CCDC17: variants seen among roughly 807,000 people sequenced by gnomAD.
CCDC17 encodes the protein coiled-coil domain containing 17.
In CCDC17, 79 loss-of-function variants were observed where a neutral mutation model predicts 68.0. The ratio of observed to expected loss-of-function variants is 1.16; its 90% confidence interval spans 0.97 to 1.40. The LOEUF (loss-of-function observed/expected upper bound fraction) is 1.40. Among genes scored for constraint, CCDC17 ranks in the 40% most tolerant of loss-of-function variants. CCDC17 has a pLI of 0.00. For synonymous variants in CCDC17, 376 were observed against 337.5 expected (o/e 1.11, Z -1.25); for missense variants, 846 against 811.5 (o/e 1.04, Z -0.52).
In CCDC17 at chr1:45,620,767, C is replaced by CT; in HGVS notation, c.1665dup (p.Glu556ArgfsTer9). 1 of 1,610,940 alleles carries CT rather than the reference C, an allele frequency of 6.2e-7. No individual in the cohort carries two copies. On this transcript the variant is annotated frameshift_variant, in exon 12 of 13. Transcript: ENST00000528266. LOFTEE classifies it low-confidence loss of function (END_TRUNC). ...TCATGGACACTTGCTGGATTGATCT[C>CT]TGCCAGTGTCTGTACAGCTGCATCT...
Position 45,620,966 on chromosome 1 carries a change from G to C in CCDC17, c.1536C>G (p.Leu512=), listed in dbSNP as rs756540951. The C allele has an allele frequency of 9.3e-6, 15 of 1,613,724 alleles. No homozygotes were observed. The highest frequency in any genetic ancestry group is 1.3e-5 in the Non-Finnish European group (15 of 1,179,842). The change falls in exon 11 of 13, where the codon CTC becomes CTG. Residue 512 remains leucine, a synonymous_variant. Transcript: ENST00000528266. The stretch of plus-strand genomic sequence containing the variant: ...GGTCCAGAGGAAGGGCCCGAAGTGG[G>C]AGGCGCCAGCGGCCACTTAGCACCC... ...DQRVLSGRWR[L]PLRALPLDPS...
Position 45,623,381 on chromosome 1 carries a change from C to A in CCDC17, c.329G>T (p.Arg110Met), listed in dbSNP as rs1348362232. ...EMRPWITEVP[R>M]VFAGPWTRSE... Reference sequence around the variant, plus strand: ...ACGTGTCCAGGGCCCCGCGAACACCCTGGGGACCTCTGTTATCCAGGGCCG... The same window carrying A: ...ACGTGTCCAGGGCCCCGCGAACACCATGGGGACCTCTGTTATCCAGGGCCG... The change falls in exon 3 of 13, where the codon AGG (arginine) becomes ATG (methionine). Residue 110 changes from arginine to methionine, a missense_variant. Physicochemically the swap from Arg to Met is moderately conservative, Grantham distance 91. Transcript: ENST00000528266. 6.4e-7 allele frequency: 1 copy of A among 1,550,726 alleles called. No homozygotes were observed.
At position 45,621,264 on chromosome 1, in the gene CCDC17, G is replaced by C. The variant is rs780284038; in HGVS notation, c.1388+17C>G. ...AACTGTGGCAGAGTACCAGAGTCAT[G>C]ATCCCCACCTACTGACCTGGGCACA... On this transcript the variant is annotated intron_variant, in intron 10 of 12. Transcript: ENST00000528266. The C allele has an allele frequency of 2.1e-5, 32 of 1,560,564 alleles. 1 individual carries two copies. In the South Asian group the frequency reaches 3.3e-4, roughly 16 times the overall value.
chr1:45,620,292 G>C lies in CCDC17; in HGVS notation c.1852C>G (p.Pro618Ala). ...GLGPHHSSDL[P>A]PVSF Reference sequence around the variant, plus strand: ...ACTTGGGTTCAGAAACTCACTGGGGGCAAGTCAGAACTGTGGTGAGGGCCC... The same window carrying C: ...ACTTGGGTTCAGAAACTCACTGGGGCCAAGTCAGAACTGTGGTGAGGGCCC... Residue 618 changes from proline to alanine, a missense_variant, in exon 13 of 13, where the codon CCC becomes GCC. Coordinates refer to ENST00000528266, the MANE Select transcript of CCDC17 (RefSeq NM_001114938.3). 1.2e-6 allele frequency: 2 copies of C among 1,610,146 alleles called. No individual in the cohort carries two copies. Among genetic ancestry groups the C allele is most frequent in the Non-Finnish European group, 1.7e-6 (2 of 1,178,794 alleles).
rs1348451594 is a variant in CCDC17, at chr1:45,621,414, T to A, written c.1255A>T (p.Thr419Ser). Residue 419 changes from threonine to serine, a missense_variant, in exon 10 of 13, where the codon ACT becomes TCT. By Grantham distance (58) the Thr-to-Ser change is moderately conservative (BLOSUM62 1). Transcript: ENST00000528266. ...EASWIWVQLR[T>S]GLARDGRDTG... ...TCCCGTCCATCGCGTGCCAAGCCAGTCCTTAGTTGCACCCAAATCCAGGAA... is the reference window on the plus strand; with the variant it reads ...TCCCGTCCATCGCGTGCCAAGCCAGACCTTAGTTGCACCCAAATCCAGGAA... 1 of 1,597,714 alleles carries A rather than the reference T, an allele frequency of 6.3e-7. No homozygotes were observed. The highest frequency in any genetic ancestry group is 8.5e-7 in the Non-Finnish European group (1 of 1,172,718).
chr1:45,620,171 G>T lies in CCDC17; in HGVS notation c.*104C>A. 2.3e-6 allele frequency: 3 copies of T among 1,314,386 alleles called. No homozygotes were observed. Among genetic ancestry groups the T allele is most frequent in the East Asian group, 2.7e-5 (1 of 36,894 alleles). 81.4% of individuals were successfully genotyped at this position (1,314,386 alleles called of 1,614,324 possible). ...GGTTTTCTGTACTCAACTGCTAGAT[G>T]CTTCTAGACCCAATGTCAGAACATG... is the stretch of plus-strand genomic sequence containing the variant. On this transcript the variant is annotated 3_prime_UTR_variant, in exon 13 of 13. Transcript: ENST00000528266.
chr1:45,620,858 C>T, intron 11 of CCDC17, 25 bp from the exon 12 acceptor site: 2 of 1,610,512 alleles, frequency 1.2e-6, no homozygotes, highest in Non-Finnish European at 8.5e-7. Context: ...AATGGTATTG[C>T]ACTTGTACTT....
At chr1:45,622,689 G>A in intron 5 of CCDC17, 22 bp from the exon 6 acceptor site, 3 of 1,555,434 alleles carry the variant, frequency 1.9e-6, no homozygotes, top group Non-Finnish European at 2.6e-6. Context: ...GGAACAGGAA[G>A]GCCGTCTTTC....
rs1569701220 is a variant in CCDC17 at position 45,623,739 on chromosome 1, G to A, written c.171C>T (p.Ala57=). The change falls in exon 1 of 13, where the codon GCC becomes GCT. Residue 57 remains alanine (A), a synonymous_variant. Coordinates refer to ENST00000528266, the MANE Select transcript of CCDC17 (RefSeq NM_001114938.3). ...CCATGGCCATGGAGGCCCTTACCGC[G>A]GCCCGCTGGGGTTCAGTGGCAACTG... is the stretch of plus-strand genomic sequence containing the variant. ...QASVATEPQR[A]AVVPQEHQGV... 1 of 1,550,872 alleles carries A rather than the reference G, an allele frequency of 6.4e-7. No individual in the cohort carries two copies. The highest frequency in any genetic ancestry group is 1.2e-5 in the South Asian group (1 of 83,984).
Position 45,621,992 on chromosome 1 carries a change from G to A in CCDC17, c.971C>T (p.Pro324Leu), listed in dbSNP as rs1412269231. 6.2e-7 allele frequency: 1 copy of A among 1,603,648 alleles called. No homozygotes were observed. Among genetic ancestry groups the A allele is most frequent in the Non-Finnish European group, 8.5e-7 (1 of 1,175,726 alleles). ...QMQRGRAPLG[P>L]QDLRLLGDAS... is the part of the protein sequence containing the mutation. ...ATCCCCCAGGAGTCGCAGATCCTGG[G>A]GCCCTAGGAGCAGAAGAGTTAGGGT... The change falls in exon 8 of 13, where the codon CCC becomes CTC. Residue 324 changes from proline to leucine, a missense_variant. Transcript: ENST00000528266.
In CCDC17 at chr1:45,621,070, C is replaced by T; in HGVS notation, c.1432G>A (p.Val478Ile). 6.2e-7 allele frequency: 1 copy of T among 1,613,996 alleles called. No homozygotes were observed. Among genetic ancestry groups the T allele is most frequent in the Non-Finnish European group, 8.5e-7 (1 of 1,179,892 alleles). The change falls in exon 11 of 13, where the codon GTC (valine) becomes ATC (isoleucine). Residue 478 changes from valine (V) to isoleucine (I), a missense_variant. By Grantham distance (29) the Val-to-Ile change is conservative. Coordinates refer to ENST00000528266, the MANE Select transcript of CCDC17 (RefSeq NM_001114938.3). The stretch of plus-strand genomic sequence containing the variant: ...CTAGCCCATGCTAGCCCCTGCCAGA[C>T]CTGCAGCTCACAGACCAAAGATACT... ...SSVSLVCELQ[V>I]WQGLAWARAP...
chr1:45,622,437 C>T, intron 6 of CCDC17, 89 bp from the exon 7 acceptor site: 1 of 1,469,020 alleles, frequency 6.8e-7, no homozygotes, highest in Non-Finnish European at 9.2e-7. Flanking sequence ...TAAGGCTCTT[C>T]GGATAAGGCT....
intron 8 of CCDC17, 32 bp from the exon 9 acceptor site, chr1:45,621,767 G>C (rs746343137): frequency 3.7e-6 from 6 of 1,610,740 alleles, no homozygotes; most frequent in Non-Finnish European, 5.1e-6. Flanking sequence ...CCTCCAGAAA[G>C]CCTTGTAGCT....
At position 45,620,463 on chromosome 1, in the gene CCDC17, CA is replaced by C. The variant is rs1219478530; in HGVS notation, c.1711-31del. 3 of 1,517,938 alleles carry C rather than the reference CA, an allele frequency of 2.0e-6. No individual in the cohort carries two copies. In the African/African-American group the frequency reaches 4.2e-5, roughly 21 times the overall value. The allele number at this position is 1,517,938 out of a possible 1,614,324, so 94.0% of individuals were successfully genotyped here. On this transcript the variant is annotated intron_variant, in intron 12 of 12. Coordinates refer to ENST00000528266, the MANE Select transcript of CCDC17 (RefSeq NM_001114938.3). ...GGAACAGGAGAAGGCAGGTTTTGAG[CA>C]AAAATGTAAAGGTTAAGCACACAGG...
At position 45,621,745 on chromosome 1, in the gene CCDC17, A is replaced by G. The variant is rs1351011822; in HGVS notation, c.1087-10T>C. 1 of 1,613,162 alleles carries G rather than the reference A, an allele frequency of 6.2e-7. No individual in the cohort carries two copies. The highest frequency in any genetic ancestry group is 8.5e-7 in the Non-Finnish European group (1 of 1,179,634). ...TTCCAGGAAGCTGTGGCTGTGGGGAAGAGAGCTGACTCCTCCAGAAAGCCT... is the reference window on the plus strand; with the variant it reads ...TTCCAGGAAGCTGTGGCTGTGGGGAGGAGAGCTGACTCCTCCAGAAAGCCT... On this transcript the variant is annotated splice_polypyrimidine_tract_variant and intron_variant, in intron 8 of 12. Coordinates refer to ENST00000528266, the MANE Select transcript of CCDC17 (RefSeq NM_001114938.3).
Position 45,621,290 on chromosome 1 carries a change from G to C in CCDC17, c.1379C>G (p.Pro460Arg). 4 of 1,576,984 alleles carry C rather than the reference G, an allele frequency of 2.5e-6. No homozygotes were observed. Among genetic ancestry groups the C allele is most frequent in the Non-Finnish European group, 3.4e-6 (4 of 1,160,744 alleles). ...GNCAILASRQ[P>R]VPRLPPSSSV... The stretch of plus-strand genomic sequence containing the variant: ...ATCCCCACCTACTGACCTGGGCACA[G>C]GCTGCCTGCTGGCAAGGATGGCACA... Residue 460 changes from proline to arginine, a missense_variant, in exon 10 of 13, where the codon CCT (proline) becomes CGT (arginine). By Grantham distance (103) the Pro-to-Arg change is moderately radical (BLOSUM62 -2). Transcript: ENST00000528266.
intron 9 of CCDC17, 42 bp from the exon 10 acceptor site, chr1:45,621,526 T>C (rs778745558): frequency 6.4e-7 from 1 of 1,571,710 alleles, no homozygotes; most frequent in Middle Eastern, 1.7e-4. Context: ...CCAACTCCTT[T>C]CAACCTCCCT....
rs1387546346 is a variant in CCDC17, at chr1:45,624,049, A to C, written c.-140T>G. ...GTCTATTAGGTCTGTGAGATCTTCA[A>C]GTTTGTTTGGGGAGAGCCTTAGCTC... is the stretch of plus-strand genomic sequence containing the variant. On this transcript the variant is annotated 5_prime_UTR_variant, in exon 1 of 13. Transcript: ENST00000528266. The C allele has an allele frequency of 4.7e-6, 3 of 643,136 alleles. No individual in the cohort carries two copies. In the South Asian group the frequency reaches 7.4e-5, roughly 16 times the overall value. 39.8% of individuals were successfully genotyped at this position (643,136 alleles called of 1,614,324 possible). A position where few individuals can be genotyped will look rare whatever the true frequency, so the allele number is the denominator to read the frequency against.
At chr1:45,622,120 C>T (rs2148392974) in intron 7 of CCDC17, 121 bp downstream of exon 7, 7 of 1,268,406 alleles carry the variant, frequency 5.5e-6, no homozygotes, top group African/African-American at 1.5e-5. Context: ...GGGATACACA[C>T]GTGCAGACAT....
Sources: allele counts gnomAD v4.1 joint callset, GRCh38; gene constraint gnomAD v4.1.1; transcripts MANE v1.5; gene names NCBI Gene and HGNC (gene_info 2026-07-23, HGNC 2026-07-21).